DENND4A: variants seen among roughly 807,000 people sequenced by gnomAD.
The protein encoded by DENND4A is DENN domain containing 4A, also known as C-myc promoter-binding protein.
In DENND4A, 70 loss-of-function variants were observed where a neutral mutation model predicts 199.3. That is an observed-to-expected ratio of 0.35 (90% CI 0.29 to 0.43). The LOEUF is 0.43. Ranked by LOEUF, DENND4A falls within the 20% of genes least tolerant of loss-of-function variation. DENND4A has a pLI of 1.00. For synonymous variants in DENND4A, 686 were observed against 766.9 expected (o/e 0.89, Z 1.74); for missense variants, 1,723 against 2,255.8 (o/e 0.76, Z 4.78).
intron 2 of DENND4A, among the ~76,000 whole-genome samples, chr15:65,758,070 C>T (rs2076757222): frequency 6.6e-6 from 1 of 152,066 alleles, no homozygotes; most frequent in African/African-American, 2.4e-5. Context: ...CCAGGTTTTC[C>T]ACAGACAAAG....
chr15:65,675,519 A>T (rs1323875415), intron 24 of DENND4A, among the ~76,000 whole-genome samples: 1 of 152,094 alleles, frequency 6.6e-6, no homozygotes, highest in African/African-American at 2.4e-5. Context: ...TTATATAAGC[A>T]ACAAAGGATT....
chr15:65,771,311 T>C (rs1362384556), intron 1 of DENND4A: 1 of 1,589,952 alleles, frequency 6.3e-7, no homozygotes. Flanking sequence ...TTGTCTTTCT[T>C]TCCAGCAGTT....
intron 27 of DENND4A, among the ~76,000 whole-genome samples, chr15:65,669,545 A>G (rs921380233): frequency 6.6e-6 from 1 of 152,202 alleles, no homozygotes; most frequent in Non-Finnish European, 1.5e-5. Context: ...ACATTATCAT[A>G]TATACATACA....
intron 14 of DENND4A, among the ~76,000 whole-genome samples, chr15:65,712,391 C>T (rs2075277830): frequency 1.3e-5 from 2 of 152,094 alleles, no homozygotes; most frequent in Admixed American, 1.3e-4. Context: ...ATAATATTTT[C>T]TTTTTAGTTT....
chr15:65,691,026 T>C lies in DENND4A; in HGVS notation c.3568A>G (p.Ile1190Val). ...GAAAAGCTGCTGTTCATACGTTGAA[T>C]CCTCTTGGGATTTTGTGTAGCAACA... ...GCVATQNPKRIQRMNSSFSVK... is the reference protein window; with the variant it reads ...GCVATQNPKRVQRMNSSFSVK... Residue 1190 changes from isoleucine to valine, a missense_variant, in exon 23 of 33, where the codon ATT becomes GTT. Transcript: ENST00000443035. The C allele has an allele frequency of 1.2e-6, 2 of 1,612,148 alleles. No homozygotes were observed. Among genetic ancestry groups the C allele is most frequent in the Admixed American group, 3.4e-5 (2 of 59,636 alleles).
rs570910734 is a variant in DENND4A, at chr15:65,701,634, G to A, written c.2559+128C>T. 24 of 863,392 alleles carry A rather than the reference G, an allele frequency of 2.8e-5. No individual in the cohort carries two copies. The South Asian group carries it at 4.1e-4, about 15-fold the overall frequency. 53.5% of individuals were successfully genotyped at this position (863,392 alleles called of 1,614,324 possible). A position where few individuals can be genotyped will look rare whatever the true frequency, so the allele number is the denominator to read the frequency against. On this transcript the variant is annotated intron_variant, in intron 18 of 32. Coordinates refer to ENST00000443035, the MANE Select transcript of DENND4A (RefSeq NM_001320835.1). ...ATAAAAGAGAACTAAAGTCTTCCTT[G>A]ATTGACAAAATGTATTTTATATACT...
intron 11 of DENND4A, among the ~76,000 whole-genome samples, chr15:65,724,039 T>C (rs2075728239): frequency 6.6e-6 from 1 of 151,844 alleles, no homozygotes. Context: ...GACTTAAAGA[T>C]AGCTTTAATG....
chr15:65,715,965 T>C (rs2075385514), intron 13 of DENND4A, among the ~76,000 whole-genome samples: 1 of 151,970 alleles, frequency 6.6e-6, no homozygotes, highest in South Asian at 2.1e-4. Flanking sequence ...CATATAAATA[T>C]ATATATCATA....
chr15:65,769,831 C>T (rs745587240), intron 1 of DENND4A, among the ~76,000 whole-genome samples: 16 of 152,090 alleles, frequency 1.1e-4, no homozygotes, highest in Non-Finnish European at 2.4e-4. Flanking sequence ...GTTTATGTTC[C>T]ATTAACCGAG....
At chr15:65,694,700 T>C (rs1254629648) in intron 22 of DENND4A, among the ~76,000 whole-genome samples, 5 of 152,218 alleles carry the variant, frequency 3.3e-5, no homozygotes, top group African/African-American at 9.6e-5. Context: ...ATATCCCATG[T>C]ATGGTCTTTG....
intron 2 of DENND4A, among the ~76,000 whole-genome samples, chr15:65,757,478 G>A (rs1013418744): frequency 1.3e-5 from 2 of 152,094 alleles, no homozygotes; most frequent in Non-Finnish European, 2.9e-5. Context: ...ATAAAGCTGA[G>A]AGTTTCAAAG....
intron 4 of DENND4A, among the ~76,000 whole-genome samples, chr15:65,747,356 A>C (rs767593947): frequency 1.3e-5 from 2 of 152,236 alleles, no homozygotes; most frequent in African/African-American, 2.4e-5. Context: ...GGTTTAAAAC[A>C]AAGTAATTTT....
intron 2 of DENND4A, among the ~76,000 whole-genome samples, chr15:65,757,459 G>A (rs2076736981): frequency 6.6e-6 from 1 of 152,100 alleles, no homozygotes. Context: ...TTGGAACTGA[G>A]CCACCTATAT....
chr15:65,671,269 A>C (rs2076206977), intron 25 of DENND4A, among the ~76,000 whole-genome samples: 1 of 152,236 alleles, frequency 6.6e-6, no homozygotes. Flanking sequence ...GATCTGTCCT[A>C]ATAGAAATAA....
At chr15:65,737,671 A>G in intron 7 of DENND4A, 36 bp downstream of exon 7, 1 of 1,532,288 alleles carries the variant, frequency 6.5e-7, no homozygotes, top group South Asian at 1.2e-5. Context: ...TAATGGAAAG[A>G]TCTGTCAAAT....
At chr15:65,685,075 C>T (rs915676865) in intron 23 of DENND4A, among the ~76,000 whole-genome samples, 4 of 151,848 alleles carry the variant, frequency 2.6e-5, no homozygotes, top group African/African-American at 9.7e-5. Flanking sequence ...GATCTGCCCG[C>T]CTCAGCCTCC....
Position 65,706,213 on chromosome 15 carries a change from G to T in DENND4A, c.1965C>A (p.Asp655Glu). The T allele has an allele frequency of 6.4e-7, 1 of 1,568,436 alleles. No homozygotes were observed. The highest frequency in any genetic ancestry group is 2.3e-5 in the East Asian group (1 of 43,064). Reference protein sequence around the residue: ...FDDCVDKVDMDKSGEVRLIEL... With the variant: ...FDDCVDKVDMEKSGEVRLIEL... Reference sequence around the variant, plus strand: ...CTATAAGTCGTACTTCACCGCTCTTGTCCATATCCACCTAAAGGAGTTTTA... The same window carrying T: ...CTATAAGTCGTACTTCACCGCTCTTTTCCATATCCACCTAAAGGAGTTTTA... The change falls in exon 15 of 33, where the codon GAC (aspartate) becomes GAA (glutamate). Residue 655 changes from aspartate to glutamate, a missense_variant. Asp to Glu is a conservative substitution (Grantham distance 45). Coordinates refer to ENST00000443035, the MANE Select transcript of DENND4A (RefSeq NM_001320835.1).
chr15:65,725,592 G>C (rs2075778776), intron 11 of DENND4A, among the ~76,000 whole-genome samples: 2 of 151,832 alleles, frequency 1.3e-5, no homozygotes, highest in South Asian at 4.2e-4. Context: ...CAGGAGAATG[G>C]CAAGAACCTG....
rs771579448 is a variant in DENND4A at position 65,702,902 on chromosome 15, G to A, written c.2194C>T (p.Pro732Ser). 1 of 1,613,030 alleles carries A rather than the reference G, an allele frequency of 6.2e-7. No homozygotes were observed. The highest frequency in any genetic ancestry group is 1.7e-5 in the Admixed American group (1 of 59,978). Residue 732 changes from proline (P) to serine (S), a missense_variant, in exon 16 of 33, where the codon CCT becomes TCT. By Grantham distance (74) the Pro-to-Ser change is moderately conservative (BLOSUM62 -1). Coordinates refer to ENST00000443035, the MANE Select transcript of DENND4A (RefSeq NM_001320835.1). ...TTTGTTCTTCTGAACATGGGCAAAG[G>A]GCTATTAGGACTACTTGATTTTGAA... The part of the protein sequence containing the change: ...LPSKSSSPNS[P>S]LPMFRRTKQE...
Sources: gnomAD v4.1 joint callset for allele counts (sites outside exome capture counted in the v4.1 genomes callset) on GRCh38, gnomAD v4.1.1 for gene constraint, MANE v1.5 for transcripts, NCBI Gene and HGNC (gene_info 2026-07-23, HGNC 2026-07-21) for gene names.